Variants in CNBD1 observed in about 807,000 individuals in gnomAD.
CNBD1 encodes cyclic nucleotide binding domain containing 1, also known as cyclic nucleotide-binding domain-containing protein 1.
In CNBD1, 71 loss-of-function variants were observed where a neutral mutation model predicts 54.4. That is an observed-to-expected ratio of 1.30 (90% CI 1.08 to 1.59). CNBD1 has a LOEUF of 1.59. Ranked by LOEUF, CNBD1 falls within the 40% of genes most tolerant of loss-of-function variation. The pLI is 0.00. For missense variants in CNBD1, 659 were observed against 518.0 expected (o/e 1.27, Z -2.64); for synonymous variants, 182 against 170.7 (o/e 1.07, Z -0.51).
At chr8:87,041,777 C>T (rs901167464) in intron 4 of CNBD1, among the ~76,000 whole-genome samples, 6 of 152,084 alleles carry the variant, frequency 3.9e-5, no homozygotes, top group Admixed American at 6.5e-5. Flanking sequence ...CCAGCCCGAG[C>T]GACAGAGCAA....
intron 4 of CNBD1, among the ~76,000 whole-genome samples, chr8:86,960,097 A>G (rs1352084257): frequency 6.6e-6 from 1 of 152,154 alleles, no homozygotes; most frequent in South Asian, 2.1e-4. Flanking sequence ...TGATTTGTGC[A>G]TTTCCAACTG....
chr8:87,398,850 T>A (rs1586078810), intron 2 of CNBD1, among the ~76,000 whole-genome samples: 4 of 152,016 alleles, frequency 2.6e-5, no homozygotes, highest in Admixed American at 2.6e-4. Context: ...AATATTGTTT[T>A]CAGAATATTT....
At chr8:87,227,914 A>G (rs1440608592) in intron 5 of CNBD1, among the ~76,000 whole-genome samples, 1 of 148,252 alleles carries the variant, frequency 6.7e-6, no homozygotes, top group Non-Finnish European at 1.5e-5. Flanking sequence ...ACATAGTCCC[A>G]TATTTCTTGG....
intron 5 of CNBD1, among the ~76,000 whole-genome samples, chr8:87,228,982 G>C (rs189646095): frequency 2.0e-5 from 3 of 152,142 alleles, no homozygotes; most frequent in Admixed American, 6.5e-5. Flanking sequence ...CGCGGTATTC[G>C]GGTGGGAGTG....
At chr8:87,036,276 T>C (rs1809941444) in intron 4 of CNBD1, among the ~76,000 whole-genome samples, 1 of 152,178 alleles carries the variant, frequency 6.6e-6, no homozygotes, top group African/African-American at 2.4e-5. Context: ...CTCTATTTAT[T>C]GTTCACTATT....
intron 2 of CNBD1, among the ~76,000 whole-genome samples, chr8:87,397,856 T>C (rs1811436982): frequency 6.6e-6 from 1 of 151,980 alleles, no homozygotes; most frequent in Non-Finnish European, 1.5e-5. Flanking sequence ...CTCATGATAG[T>C]GAATGGGTCT....
chr8:87,423,741 T>C (rs1807988551), intron 2 of CNBD1, among the ~76,000 whole-genome samples: 1 of 151,634 alleles, frequency 6.6e-6, no homozygotes, highest in African/African-American at 2.4e-5. Flanking sequence ...AATTCTCTTT[T>C]TTGGTTGTGT....
intron 4 of CNBD1, among the ~76,000 whole-genome samples, chr8:87,082,274 C>T (rs1016882750): frequency 2.6e-5 from 4 of 152,170 alleles, no homozygotes; most frequent in Non-Finnish European, 4.4e-5. Flanking sequence ...GAGATAACCA[C>T]CTTTAACTGT....
At chr8:86,983,174 G>A (rs534553970) in intron 4 of CNBD1, among the ~76,000 whole-genome samples, 44 of 152,230 alleles carry the variant, frequency 2.9e-4, no homozygotes, top group Non-Finnish European at 5.9e-4. Context: ...TTCCTGTGCT[G>A]TTCTCATGAT....
chr8:87,418,845 T>C (rs916690367), intron 2 of CNBD1, among the ~76,000 whole-genome samples: 18 of 152,024 alleles, frequency 1.2e-4, no homozygotes, highest in Admixed American at 2.0e-4. Context: ...CCCTTATACA[T>C]AGCTGATGAA....
intron 2 of CNBD1, among the ~76,000 whole-genome samples, chr8:87,396,070 A>C (rs1811404320): frequency 6.6e-6 from 1 of 151,916 alleles, no homozygotes; most frequent in Admixed American, 6.6e-5. Context: ...TGTCTTTATG[A>C]GCAGAGTGAG....
intron 3 of CNBD1, among the ~76,000 whole-genome samples, chr8:86,932,264 C>T (rs1251015502): frequency 1.3e-5 from 2 of 152,162 alleles, no homozygotes; most frequent in African/African-American, 4.8e-5. Context: ...CCAGGTCTAC[C>T]TTGATCTGCT....
intron 2 of CNBD1, among the ~76,000 whole-genome samples, chr8:87,422,381 T>G (rs1052346323): frequency 2.7e-5 from 3 of 109,124 alleles, no homozygotes; most frequent in African/African-American, 1.4e-4. Flanking sequence ...ATGCCTAGGT[T>G]TTCTTCCAGG....
Position 86,887,546 on chromosome 8 carries a change from G to A in CNBD1, c.93G>A (p.Leu31=), listed in dbSNP as rs758849834. 1.3e-6 allele frequency: 2 copies of A among 1,554,192 alleles called. No homozygotes were observed. The highest frequency in any genetic ancestry group is 1.9e-5 in the Admixed American group (1 of 51,912). Residue 31 remains leucine (L), a synonymous_variant, in exon 2 of 11, where the codon TTG becomes TTA. Transcript: ENST00000518476. ...TTTTAATTGATTTTTTTTCAGACTT[G>A]AAAAAGTCTAAGCACATTAATTATG... ...PPPPLHSIPN[L]KKSKHINYGQ...
At chr8:87,281,136 A>G (rs1271624390) in intron 6 of CNBD1, among the ~76,000 whole-genome samples, 1 of 151,684 alleles carries the variant, frequency 6.6e-6, no homozygotes, top group East Asian at 1.9e-4. Context: ...CATCTGCTGT[A>G]TATCATTTAG....
intron 1 of CNBD1, among the ~76,000 whole-genome samples, chr8:86,875,754 C>CT (rs1430349260): frequency 2.0e-5 from 3 of 152,082 alleles, no homozygotes; most frequent in South Asian, 2.1e-4. Context: ...AAAAAATAAA[C>CT]TTTTTTCAAT....
chr8:87,046,589 G>T (rs1810195740), intron 4 of CNBD1, among the ~76,000 whole-genome samples: 1 of 152,172 alleles, frequency 6.6e-6, no homozygotes, highest in Admixed American at 6.5e-5. Context: ...GTCCCTTGAA[G>T]GGAGGATTCT....
chr8:86,948,590 C>T (rs545241030), intron 4 of CNBD1, among the ~76,000 whole-genome samples: 10 of 152,172 alleles, frequency 6.6e-5, no homozygotes, highest in African/African-American at 2.4e-4. Flanking sequence ...ATCTTTTGCC[C>T]AATTTTAAAT....
At chr8:87,350,046 A>G (rs886439053) in intron 8 of CNBD1, among the ~76,000 whole-genome samples, 1 of 152,144 alleles carries the variant, frequency 6.6e-6, no homozygotes, top group African/African-American at 2.4e-5. Context: ...TTATTTCCTT[A>G]TCTATAACAA....
Sources: gnomAD v4.1 joint callset for allele counts (sites outside exome capture counted in the v4.1 genomes callset) on GRCh38, gnomAD v4.1.1 for gene constraint, MANE v1.5 for transcripts, NCBI Gene and HGNC (gene_info 2026-07-23, HGNC 2026-07-21) for gene names.